ZNF148: variants seen among roughly 807,000 people sequenced by gnomAD.
ZNF148 encodes the protein zinc finger protein 148.
A neutral mutation model predicts 67.7 loss-of-function variants in ZNF148; 7 were observed. The observed-to-expected ratio is 0.10, with a 90% confidence interval of 0.06 to 0.19. The LOEUF (loss-of-function observed/expected upper bound fraction) is 0.19. Ranked by LOEUF, ZNF148 falls within the 10% of genes least tolerant of loss-of-function variation. The pLI is 1.00. For synonymous variants in ZNF148, 333 were observed against 330.7 expected (o/e 1.01, Z -0.08); for missense variants, 583 against 947.1 (o/e 0.62, Z 5.05).
chr3:125,239,814 A>G (rs1011976726), intron 7 of ZNF148, among the ~76,000 whole-genome samples: 7 of 152,218 alleles, frequency 4.6e-5, no homozygotes, highest in African/African-American at 1.7e-4. Flanking sequence ...ATAAAAATGG[A>G]ATGGAATATT....
intron 1 of ZNF148, among the ~76,000 whole-genome samples, chr3:125,345,101 T>C (rs1470909067): frequency 1.3e-5 from 2 of 152,070 alleles, no homozygotes; most frequent in Non-Finnish European, 2.9e-5. Context: ...TTCCACTCAA[T>C]AACAGCAGAA....
rs1245552341 is a variant in ZNF148 at position 125,375,179 on chromosome 3, G to C, written c.-311C>G. On this transcript the variant is annotated 5_prime_UTR_variant, in exon 1 of 9. Coordinates refer to ENST00000360647, the MANE Select transcript of ZNF148 (RefSeq NM_021964.3). Reference sequence around the variant, plus strand: ...AACCTTTCTAGGGGCCTTGAGAGGAGGGGAAGGGGGGAGGGGGGAGAACTT... The same window carrying C: ...AACCTTTCTAGGGGCCTTGAGAGGACGGGAAGGGGGGAGGGGGGAGAACTT... 2.0e-5 allele frequency: 3 copies of C among 152,410 alleles called. No homozygotes were observed. Among genetic ancestry groups the C allele is most frequent in the Admixed American group, 2.0e-4 (3 of 15,282 alleles). The allele number at this position is 152,410 out of a possible 1,614,324, so 9.4% of individuals were successfully genotyped here.
chr3:125,322,180 C>A (rs894304552), intron 3 of ZNF148, among the ~76,000 whole-genome samples: 1 of 151,898 alleles, frequency 6.6e-6, no homozygotes, highest in Non-Finnish European at 1.5e-5. Context: ...CAGGGGCCCA[C>A]CACCTCGCAC....
At chr3:125,305,606 G>A (rs1939832157) in intron 4 of ZNF148, among the ~76,000 whole-genome samples, 1 of 152,000 alleles carries the variant, frequency 6.6e-6, no homozygotes, top group Non-Finnish European at 1.5e-5. Flanking sequence ...GAACCCAGGA[G>A]TGTGAGACTA....
At chr3:125,301,060 G>A (rs893880406) in intron 4 of ZNF148, among the ~76,000 whole-genome samples, 16 of 152,142 alleles carry the variant, frequency 1.1e-4, no homozygotes, top group Non-Finnish European at 2.4e-4. Context: ...TATCCTTTAT[G>A]CTATCCAATA....
chr3:125,359,836 C>A (rs541647636), intron 1 of ZNF148, among the ~76,000 whole-genome samples: 1 of 152,220 alleles, frequency 6.6e-6, no homozygotes, highest in Non-Finnish European at 1.5e-5. Context: ...ACCTGCCTGC[C>A]CTGCCATGGG....
rs149216592 is a variant in ZNF148 at position 125,274,121 on chromosome 3, T to C, written c.667+3605A>G. Among the ~76,000 whole-genome samples, 149 of 152,266 alleles carry C rather than the reference T, an allele frequency of 9.8e-4. 3 individuals are homozygous for C. In the East Asian group the frequency reaches 0.022, roughly 23 times the overall value. ...ATATGCATTTTTAAAATAGGCACCTTAGACAAGGAAAGGGCACGTCAGACA... is the reference window on the plus strand; with the variant it reads ...ATATGCATTTTTAAAATAGGCACCTCAGACAAGGAAAGGGCACGTCAGACA... On this transcript the variant is annotated intron_variant, in intron 7 of 8. Coordinates refer to ENST00000360647, the MANE Select transcript of ZNF148 (RefSeq NM_021964.3).
At chr3:125,325,094 G>C (rs577057847) in intron 2 of ZNF148, among the ~76,000 whole-genome samples, 1 of 151,974 alleles carries the variant, frequency 6.6e-6, no homozygotes, top group Non-Finnish European at 1.5e-5. Context: ...ATGTTAAAAG[G>C]AACTCATGTT....
chr3:125,360,476 G>A (rs28538016), intron 1 of ZNF148, among the ~76,000 whole-genome samples: 12,441 of 151,958 alleles, frequency 0.082, 612 homozygotes, highest in Non-Finnish European at 0.099. Context: ...TGTAGAGACA[G>A]GGTTTCCCTA....
intron 1 of ZNF148, among the ~76,000 whole-genome samples, chr3:125,341,388 GCAGGAGGAT>G: frequency 6.6e-6 from 1 of 150,914 alleles, no homozygotes; most frequent in African/African-American, 2.4e-5. Context: ...GGAAGATGAA[GCAGGAGGAT>G]CACTTCTGCT....
At chr3:125,372,982 T>C (rs1413621602) in intron 1 of ZNF148, among the ~76,000 whole-genome samples, 1 of 151,824 alleles carries the variant, frequency 6.6e-6, no homozygotes, top group Non-Finnish European at 1.5e-5. Flanking sequence ...AATAAATAAA[T>C]AAAAATTTTT....
intron 1 of ZNF148, among the ~76,000 whole-genome samples, chr3:125,358,906 T>C (rs1942452623): frequency 3.9e-5 from 6 of 152,228 alleles, no homozygotes; most frequent in Admixed American, 1.3e-4. Flanking sequence ...ACCCCTGTAT[T>C]GTGAAGACAT....
chr3:125,246,186 A>C (rs1452061277), intron 7 of ZNF148, among the ~76,000 whole-genome samples: 1 of 152,236 alleles, frequency 6.6e-6, no homozygotes, highest in Non-Finnish European at 1.5e-5. Flanking sequence ...TTATTTTAAT[A>C]ATAAAGGGTC....
At chr3:125,303,515 T>TA (rs1454268811) in intron 4 of ZNF148, among the ~76,000 whole-genome samples, 2 of 152,172 alleles carry the variant, frequency 1.3e-5, no homozygotes, top group African/African-American at 4.8e-5. Context: ...TAAATTCTCA[T>TA]AGGAGCTCAA....
intron 7 of ZNF148, among the ~76,000 whole-genome samples, chr3:125,239,344 T>C (rs1936240252): frequency 6.6e-6 from 1 of 152,152 alleles, no homozygotes; most frequent in African/African-American, 2.4e-5. Flanking sequence ...AACACACAAC[T>C]AATTTAAAAA....
At chr3:125,352,743 T>C (rs954083264) in intron 1 of ZNF148, among the ~76,000 whole-genome samples, 1 of 152,112 alleles carries the variant, frequency 6.6e-6, no homozygotes, top group Non-Finnish European at 1.5e-5. Context: ...AAGATTTTTT[T>C]TGTAGATACA....
Position 125,233,937 on chromosome 3 carries a change from A to G in ZNF148, c.789T>C (p.Tyr263=). 2 of 1,589,784 alleles carry G rather than the reference A, an allele frequency of 1.3e-6. No homozygotes were observed. The highest frequency in any genetic ancestry group is 8.5e-7 in the Non-Finnish European group (1 of 1,171,152). Residue 263 remains tyrosine (Y), a splice_region_variant and synonymous_variant, in exon 9 of 9, where the codon TAT becomes TAC. Transcript: ENST00000360647. The surrounding 1 kb of genome is among the most constrained non-coding windows in gnomAD (Gnocchi z 5.1). ...KPYQCEYCLQ[Y]FSRTDRVLKH... is the part of the protein sequence containing the mutation. ...TCAATACACGATCTGTTCTGGAAAA[A>G]TACTGTTGAATTCAGAGGATGGTAG...
Position 125,313,615 on chromosome 3 carries a change from C to T in ZNF148, c.26G>A (p.Gly9Glu). The T allele has an allele frequency of 6.2e-7, 1 of 1,613,068 alleles. No homozygotes were observed. Among genetic ancestry groups the T allele is most frequent in the Non-Finnish European group, 8.5e-7 (1 of 1,179,084 alleles). The change falls in exon 4 of 9, where the codon GGA becomes GAA. Residue 9 changes from glycine (G) to glutamate (E), a missense_variant. Gly to Glu is a moderately conservative substitution (Grantham distance 98). Around this residue, in one of 5 missense-constraint regions of ZNF148, gnomAD observed 150 missense variants for 202.5 expected, o/e 0.74. Transcript: ENST00000360647. MNIDDKLE[G>E]LFLKCGGIDE... ...TATGCCGCCACATTTAAGAAACAAT[C>T]CTTCCAGTTTGTCGTCAATGTTCAT...
chr3:125,343,513 T>C (rs1231587757), intron 1 of ZNF148, among the ~76,000 whole-genome samples: 1 of 51,740 alleles, frequency 1.9e-5, no homozygotes, highest in East Asian at 3.2e-4. Context: ...AGCAAGAGGA[T>C]TGTAAAATGC....
Sources: gnomAD v4.1 joint callset for allele counts (sites outside exome capture counted in the v4.1 genomes callset) on GRCh38, gnomAD v4.1.1 for gene constraint, gnomAD v4.1.1 regional missense constraint, Gnocchi (gnomAD v3.1) non-coding constraint, MANE v1.5 for transcripts, NCBI Gene and HGNC (gene_info 2026-07-23, HGNC 2026-07-21) for gene names.